Variants in ELF2 observed in about 807,000 individuals in gnomAD.
The protein encoded by ELF2 is ETS-related transcription factor Elf-2.
ELF2 carries 11 observed loss-of-function variants against 54.8 expected under a neutral mutation model. That is an observed-to-expected ratio of 0.20 (90% confidence interval 0.13 to 0.33). ELF2 has a LOEUF of 0.33. Ranked by LOEUF, ELF2 falls within the 10% of genes least tolerant of loss-of-function variation. ELF2 has a pLI of 1.00. For synonymous variants in ELF2, 203 were observed against 245.1 expected, an observed-to-expected ratio of 0.83 and a Z score of 1.61; for missense variants, 513 against 703.0, an observed-to-expected ratio of 0.73 and a Z score of 3.06.
intron 4 of ELF2, chr4:139,084,426 C>CGGCAGGGGCGGCAGG (rs1553957902): frequency 1.6e-6 from 2 of 1,267,190 alleles, no homozygotes; most frequent in Non-Finnish European, 2.0e-6. Flanking sequence ...GGGGCAGGGG[C>CGGCAGGGGCGGCAGG]GGCAGGGGCA....
At chr4:139,096,627 T>A (rs78900386) in intron 4 of ELF2, among the ~76,000 whole-genome samples, 2 of 144,172 alleles carry the variant, frequency 1.4e-5, no homozygotes, top group Non-Finnish European at 3.1e-5. Context: ...ATACCAAGCT[T>A]TTTTTTTTTT....
intron 3 of ELF2, among the ~76,000 whole-genome samples, chr4:139,132,412 A>G (rs1238585660): frequency 6.6e-6 from 1 of 152,018 alleles, no homozygotes; most frequent in Admixed American, 6.6e-5. Context: ...GTTCCCTCAT[A>G]CCTAACTTTA....
intron 3 of ELF2, among the ~76,000 whole-genome samples, chr4:139,133,940 T>C (rs945626505): frequency 1.9e-4 from 29 of 152,248 alleles, no homozygotes; most frequent in African/African-American, 6.5e-4. Context: ...TTATATCATC[T>C]AGAAATAAAG....
chr4:139,109,060 A>G (rs1418816347), intron 4 of ELF2, among the ~76,000 whole-genome samples: 2 of 152,180 alleles, frequency 1.3e-5, no homozygotes, highest in African/African-American at 4.8e-5. Flanking sequence ...AAGCCCTCAT[A>G]TACCTTAAGG....
intron 3 of ELF2, among the ~76,000 whole-genome samples, chr4:139,133,194 T>G (rs1290463187): frequency 6.6e-6 from 1 of 152,142 alleles, no homozygotes; most frequent in African/African-American, 2.4e-5. Context: ...ATGCTGGGAT[T>G]ACAGGCGTGA....
At chr4:139,146,914 A>G (rs1377787004) in intron 1 of ELF2, among the ~76,000 whole-genome samples, 1 of 152,226 alleles carries the variant, frequency 6.6e-6, no homozygotes, top group Non-Finnish European at 1.5e-5. Flanking sequence ...ACCTAAAACC[A>G]TAAAAGTCCT....
intron 3 of ELF2, among the ~76,000 whole-genome samples, chr4:139,131,798 CA>C (rs70940495): frequency 0.44 from 59,574 of 135,342 alleles, 12,315 homozygotes; most frequent in Middle Eastern, 0.54. Flanking sequence ...TTCATAATGC[CA>C]AAAAAAAAAA....
At chr4:139,120,587 C>T (rs115897582) in intron 4 of ELF2, among the ~76,000 whole-genome samples, 1,517 of 151,418 alleles carry the variant, frequency 0.01, 24 homozygotes, top group African/African-American at 0.035. Flanking sequence ...TACAGGTGCA[C>T]GCCACCATAC....
intron 4 of ELF2, chr4:139,115,277 G>T (rs962282027): frequency 1.1e-5 from 17 of 1,601,272 alleles, no homozygotes; most frequent in African/African-American, 1.3e-5. Flanking sequence ...GTCCCGGGGG[G>T]GGCTCTGAAA....
At chr4:139,104,363 A>G (rs1734203290) in intron 4 of ELF2, among the ~76,000 whole-genome samples, 1 of 152,082 alleles carries the variant, frequency 6.6e-6, no homozygotes, top group Non-Finnish European at 1.5e-5. Flanking sequence ...CACAAAAATT[A>G]GCCAGGCGTG....
chr4:139,090,799 T>A (rs1732486945), intron 4 of ELF2, among the ~76,000 whole-genome samples: 1 of 152,190 alleles, frequency 6.6e-6, no homozygotes, highest in Admixed American at 6.5e-5. Flanking sequence ...TTTGCCACGT[T>A]GGCCAGGCTG....
chr4:139,157,061 G>C (rs924673208), intron 1 of ELF2, among the ~76,000 whole-genome samples: 1 of 152,160 alleles, frequency 6.6e-6, no homozygotes, highest in Non-Finnish European at 1.5e-5. Flanking sequence ...TTTTGTCATT[G>C]TGCAAACCTT....
intron 6 of ELF2, among the ~76,000 whole-genome samples, chr4:139,070,383 C>T (rs1034493887): frequency 1.3e-5 from 2 of 150,756 alleles, no homozygotes; most frequent in East Asian, 2.0e-4. Context: ...CTCCACCTCT[C>T]GGGTTCAAGC....
chr4:139,129,157 C>CA (rs1410844285), intron 3 of ELF2, among the ~76,000 whole-genome samples: 1 of 151,820 alleles, frequency 6.6e-6, no homozygotes, highest in East Asian at 1.9e-4. Context: ...AGGCTAGTCT[C>CA]AAACTCCTGA....
intron 4 of ELF2, among the ~76,000 whole-genome samples, chr4:139,084,767 T>A (rs188294180): frequency 6.6e-6 from 1 of 152,322 alleles, no homozygotes; most frequent in East Asian, 1.9e-4. Flanking sequence ...CTATTTAACT[T>A]CTTTTGGCTT....
At chr4:139,092,000 T>TATAC (rs1279699200) in intron 4 of ELF2, among the ~76,000 whole-genome samples, 1 of 149,256 alleles carries the variant, frequency 6.7e-6, no homozygotes, top group Non-Finnish European at 1.5e-5. Context: ...ACACTATATA[T>TATAC]ATACATATAT....
intron 4 of ELF2, chr4:139,084,435 CA>C (rs1731701019): frequency 1.7e-6 from 2 of 1,176,382 alleles, no homozygotes; most frequent in Admixed American, 4.9e-5. Flanking sequence ...GCGGCAGGGG[CA>C]GGGGCGGCGG....
chr4:139,084,134 G>C, intron 4 of ELF2: 2 of 1,613,422 alleles, frequency 1.2e-6, no homozygotes, highest in East Asian at 2.2e-5. Flanking sequence ...TGTCCTTACC[G>C]GCCCGGATGA....
intron 4 of ELF2, among the ~76,000 whole-genome samples, chr4:139,124,277 A>C (rs1736684273): frequency 6.6e-6 from 1 of 152,188 alleles, no homozygotes; most frequent in South Asian, 2.1e-4. Flanking sequence ...TCAATCCCTT[A>C]GCTCCACAAA....
Sources: gnomAD v4.1 joint callset for allele counts (sites outside exome capture counted in the v4.1 genomes callset) on GRCh38, gnomAD v4.1.1 for gene constraint, MANE v1.5 for transcripts, NCBI Gene and HGNC (gene_info 2026-07-23, HGNC 2026-07-21) for gene names.